PZP: variants seen among roughly 807,000 people sequenced by gnomAD.
PZP encodes PZP alpha-2-macroglobulin like, also known as pregnancy zone protein.
PZP carries 150 observed loss-of-function variants against 179.8 expected under a neutral mutation model. The ratio of observed to expected loss-of-function variants is 0.83; its 90% CI spans 0.73 to 0.96. The LOEUF is 0.96. PZP is among the 40% of genes least tolerant of loss of function. The probability of loss-of-function intolerance (pLI) is 0.00; values close to 1 mark genes in which losing one functional copy is unlikely to be tolerated. For missense variants in PZP, 1,689 were observed against 1,764.0 expected (o/e 0.96, Z 0.76); for synonymous variants, 624 against 652.3 (o/e 0.96, Z 0.66).
At chr12:9,149,446 T>C in intron 35 of PZP, 115 bp downstream of exon 35, 1 of 1,037,786 alleles carries the variant, frequency 9.6e-7, no homozygotes, top group Non-Finnish European at 1.4e-6. Context: ...TGTGAGGACA[T>C]GCCATGTGGA....
chr12:9,150,843 C>T (rs903426176), intron 33 of PZP, 97 bp from the exon 34 acceptor site: 9 of 799,390 alleles, frequency 1.1e-5, no homozygotes, highest in Middle Eastern at 2.2e-4. Context: ...TCTTTTTCAC[C>T]AGTGTCTTTA....
chr12:9,159,812 C>G (rs1482270039), intron 25 of PZP, 126 bp downstream of exon 25: 2 of 836,612 alleles, frequency 2.4e-6, no homozygotes, highest in Non-Finnish European at 3.7e-6. Flanking sequence ...AAATAAATTT[C>G]TTTTCTTTAT....
chr12:9,163,827 T>C, intron 20 of PZP, 38 bp from the exon 21 acceptor site: 2 of 1,598,404 alleles, frequency 1.3e-6, no homozygotes, highest in Non-Finnish European at 1.7e-6. Flanking sequence ...GTATCCACTT[T>C]GATAGTCCAA....
downstream of PZP, among the ~76,000 whole-genome samples, chr12:9,147,454 G>GT (rs1681885186): frequency 6.6e-6 from 1 of 152,132 alleles, no homozygotes; most frequent in African/African-American, 2.4e-5. Flanking sequence ...TCTTTTTTCT[G>GT]TTTTTTAGCC....
intron 1 of PZP, among the ~76,000 whole-genome samples, chr12:9,205,452 G>A (rs1411587096): frequency 6.6e-6 from 1 of 152,154 alleles, no homozygotes; most frequent in East Asian, 1.9e-4. Flanking sequence ...TCCCAGCAAT[G>A]CTGTAAGGTA....
At position 9,202,594 on chromosome 12, in the gene PZP, GAAC is replaced by G; in HGVS notation, c.355_357del (p.Val119del). On this transcript the variant is annotated inframe_deletion, in exon 3 of 36. Coordinates refer to ENST00000261336, the MANE Select transcript of PZP (RefSeq NM_002864.3). ...ACCAGACTTTGGGTGTTCAGTACCA[GAAC>G]TGTGTTCCTCTTCCTGAAATCTTGC... The G allele has an allele frequency of 6.2e-7, 1 of 1,614,116 alleles. No individual in the cohort carries two copies. Among genetic ancestry groups the G allele is most frequent in the African/African-American group, 1.3e-5 (1 of 75,044 alleles).
chr12:9,153,779 C>G (rs941243696), intron 29 of PZP, among the ~76,000 whole-genome samples: 1 of 151,968 alleles, frequency 6.6e-6, no homozygotes. Context: ...TTTTATTTAC[C>G]CCACCTAATC....
At chr12:9,148,392 A>C (rs1047201864), downstream of PZP, among the ~76,000 whole-genome samples, 2 of 152,122 alleles carry the variant, frequency 1.3e-5, no homozygotes, top group Admixed American at 1.3e-4. Flanking sequence ...TGTTACTTTT[A>C]TCTTTAAACT....
the PZP span, among the ~76,000 whole-genome samples, chr12:9,143,758 A>C: frequency 0.25 from 38,536 of 152,150 alleles, 5,607 homozygotes; most frequent in Admixed American, 0.33. Flanking sequence ...TAAAAAGCCA[A>C]ACACTTTGGC....
chr12:9,177,008 T>C (rs1294415068), intron 15 of PZP, among the ~76,000 whole-genome samples: 1 of 152,192 alleles, frequency 6.6e-6, no homozygotes, highest in East Asian at 1.9e-4. Context: ...ATATTTTACA[T>C]GTGAGAGCTC....
intron 13 of PZP, among the ~76,000 whole-genome samples, chr12:9,189,281 G>C (rs1288021127): frequency 5.3e-5 from 8 of 152,162 alleles, no homozygotes; most frequent in Non-Finnish European, 1.2e-4. Context: ...AAACAGCATA[G>C]TACTTGTACA....
In PZP at chr12:9,165,212, G is replaced by A; in HGVS notation, c.2414C>T (p.Pro805Leu). 6.2e-7 allele frequency: 1 copy of A among 1,614,188 alleles called. No individual in the cohort carries two copies. The highest frequency in any genetic ancestry group is 8.5e-7 in the Non-Finnish European group (1 of 1,180,028). Reference protein sequence around the residue: ...FQPFFVELTMPYSVIRGEVFT... With the variant: ...FQPFFVELTMLYSVIRGEVFT... Reference sequence around the variant, plus strand: ...GACCTCTCCACGAATCACAGAGTAAGGCATTGTGAGCTCCACAAAGAAGGG... The same window carrying A: ...GACCTCTCCACGAATCACAGAGTAAAGCATTGTGAGCTCCACAAAGAAGGG... Residue 805 changes from proline to leucine, a missense_variant, in exon 19 of 36, where the codon CCT (proline) becomes CTT (leucine). Physicochemically the swap from Pro to Leu is moderately conservative, Grantham distance 98 (BLOSUM62 -3). This residue lies in a region of PZP where 201 missense variants were observed against 284.2 expected (regional missense o/e 0.71). Transcript: ENST00000261336.
chr12:9,177,254 C>G (rs983227571), intron 15 of PZP, among the ~76,000 whole-genome samples: 1 of 152,222 alleles, frequency 6.6e-6, no homozygotes, highest in Admixed American at 6.5e-5. Context: ...GGATCACATG[C>G]TCTGGAGAAA....
intron 4 of PZP, 131 bp downstream of exon 4, chr12:9,202,188 G>A: frequency 2.5e-6 from 2 of 794,898 alleles, no homozygotes; most frequent in East Asian, 5.2e-5. Context: ...CTGCAAATCT[G>A]TGCTGAGGCT....
intron 17 of PZP, chr12:9,168,508 G>A: frequency 5.5e-6 from 1 of 183,404 alleles, no homozygotes; most frequent in African/African-American, 2.4e-5. Flanking sequence ...TGTCACCAGT[G>A]AAGCCCTTTG....
Position 9,154,701 on chromosome 12 carries a change from G to A in PZP, c.3689C>T (p.Thr1230Ile), listed in dbSNP as rs762635225. 24 of 1,614,192 alleles carry A rather than the reference G, an allele frequency of 1.5e-5. No individual in the cohort carries two copies. In the Middle Eastern group the frequency reaches 4.9e-4, roughly 33 times the overall value. ...AGTTGCAGAGGTCAGGTCCCCTGAGGTGGGGGCTGGCTGGGCCGTGAGATA... is the reference window on the plus strand; with the variant it reads ...AGTTGCAGAGGTCAGGTCCCCTGAGATGGGGGCTGGCTGGGCCGTGAGATA... ...LAYLTAQPAP[T>I]SGDLTSATNI... The change falls in exon 29 of 36, where the codon ACC becomes ATC. Residue 1230 changes from threonine (T) to isoleucine (I), a missense_variant. Thr to Ile is a moderately conservative substitution (Grantham distance 89). Around this residue, in one of 3 missense-constraint regions of PZP, gnomAD observed 746 missense variants for 749.2 expected, o/e 1.00. Coordinates refer to ENST00000261336, the MANE Select transcript of PZP (RefSeq NM_002864.3).
At chr12:9,192,132 A>G in intron 13 of PZP, 61 bp downstream of exon 13, 1 of 1,399,180 alleles carries the variant, frequency 7.1e-7, no homozygotes, top group Non-Finnish European at 1.0e-6. Flanking sequence ...ATGAACTGTC[A>G]CCGAGGGAAG....
intron 23 of PZP, among the ~76,000 whole-genome samples, chr12:9,160,700 G>A (rs1036536338): frequency 2.0e-5 from 3 of 152,138 alleles, no homozygotes; most frequent in Admixed American, 6.5e-5. Context: ...GGATCATGAG[G>A]TCAGGATATC....
intron 13 of PZP, among the ~76,000 whole-genome samples, chr12:9,186,749 G>C (rs1565653390): frequency 1.4e-5 from 2 of 147,756 alleles, no homozygotes; most frequent in Non-Finnish European, 3.0e-5. Flanking sequence ...ACTAACACAA[G>C]AACAGAAAAC....
Sources: allele counts gnomAD v4.1 joint callset (sites outside exome capture counted in the v4.1 genomes callset), GRCh38; gene constraint gnomAD v4.1.1; regional missense constraint gnomAD v4.1.1; transcripts MANE v1.5; gene names NCBI Gene and HGNC (gene_info 2026-07-23, HGNC 2026-07-21).